The following ADGRG3 variants were observed in gnomAD, a reference collection of about 807,000 sequenced individuals.
ADGRG3 encodes the protein G protein-coupled receptor 97.
In ADGRG3, 39 loss-of-function variants were observed where a neutral mutation model predicts 54.3. That is an observed-to-expected ratio of 0.72 (90% CI 0.56 to 0.94). The LOEUF (loss-of-function observed/expected upper bound fraction) is 0.94. ADGRG3 is among the 40% of genes least tolerant of loss of function. The probability of loss-of-function intolerance (pLI) is 0.00; values close to 1 mark genes in which losing one functional copy is unlikely to be tolerated. For missense variants in ADGRG3, 654 were observed against 694.6 expected (o/e 0.94, Z 0.66); for synonymous variants, 312 against 290.0 (o/e 1.08, Z -0.77).
chr16:57,672,287 C>T (rs1359833514), intron 1 of ADGRG3, among the ~76,000 whole-genome samples: 5 of 151,320 alleles, frequency 3.3e-5, no homozygotes, highest in Non-Finnish European at 7.4e-5. Context: ...GCAATTTGGG[C>T]AGCTGAGGCA....
At chr16:57,673,957 G>A (rs2048211761) in intron 2 of ADGRG3, among the ~76,000 whole-genome samples, 1 of 152,194 alleles carries the variant, frequency 6.6e-6, no homozygotes, top group Non-Finnish European at 1.5e-5. Flanking sequence ...ACCGCGTGGG[G>A]ATGGAAGAGA....
rs1253180086 is a variant in ADGRG3 at position 57,685,983 on chromosome 16, G to A, written c.1540+57G>A. 3.9e-6 allele frequency: 6 copies of A among 1,557,344 alleles called. No homozygotes were observed. In the Admixed American group the frequency reaches 8.5e-5, roughly 22 times the overall value. Reference sequence around the variant, plus strand: ...TGTGTTGTCTGTCCCAGGAGGTATTGGGAGGTGGGGAAGAGGGTGGTTTGC... The same window carrying A: ...TGTGTTGTCTGTCCCAGGAGGTATTAGGAGGTGGGGAAGAGGGTGGTTTGC... On this transcript the variant is annotated intron_variant, in intron 11 of 11. Coordinates refer to ENST00000333493, the MANE Select transcript of ADGRG3 (RefSeq NM_170776.5).
intron 4 of ADGRG3, 33 bp downstream of exon 4, chr16:57,678,349 C>T: frequency 1.2e-6 from 2 of 1,609,522 alleles, no homozygotes; most frequent in East Asian, 2.2e-5. Context: ...AGGTTAAGTG[C>T]TAGGTCCTCT....
At chr16:57,680,000 T>TCCCTTCCCCTCCCCTCCCCC in intron 6 of ADGRG3, 145 bp downstream of exon 6, 1 of 322,678 alleles carries the variant, frequency 3.1e-6, no homozygotes, top group Non-Finnish European at 6.0e-6. Flanking sequence ...CTGCATCCCC[T>TCCCTTCCCCTCCCCTCCCCC]CCCTTCCCCT....
At chr16:57,669,318 T>C (rs1567849761) in intron 1 of ADGRG3, among the ~76,000 whole-genome samples, 1 of 152,226 alleles carries the variant, frequency 6.6e-6, no homozygotes, top group African/African-American at 2.4e-5. Context: ...TTTTCAAACA[T>C]TGGAAGATTC....
chr16:57,687,313 C>T (rs761109369), intron 11 of ADGRG3, among the ~76,000 whole-genome samples: 2 of 151,994 alleles, frequency 1.3e-5, no homozygotes, highest in Non-Finnish European at 2.9e-5. Flanking sequence ...TGCAGTGGCA[C>T]GATCTCAGCT....
rs2048198499 is a variant in ADGRG3 at position 57,673,428 on chromosome 16, C to T, written c.166C>T (p.Gln56Ter). ...GGCTTTGTGCTTCACCAAGTGCAGG[C>T]AGTCGGGCAGCGACTCCTGCAATGT... ...DKALCFTKCR[Q>*]SGSDSCNVEN... Residue 56 changes from glutamine (Q) to a stop codon, truncating the protein, a stop_gained, in exon 2 of 12, where the codon CAG (glutamine) becomes TAG (stop). Coordinates refer to ENST00000333493, the MANE Select transcript of ADGRG3 (RefSeq NM_170776.5). LOFTEE classifies it high-confidence loss of function. 6.2e-7 allele frequency: 1 copy of T among 1,611,744 alleles called. No individual in the cohort carries two copies. The highest frequency in any genetic ancestry group is 1.7e-5 in the Admixed American group (1 of 59,964).
intron 1 of ADGRG3, 115 bp downstream of exon 1, chr16:57,668,520 G>A (rs1159636715): frequency 5.0e-6 from 5 of 990,464 alleles, no homozygotes; most frequent in Non-Finnish European, 7.6e-6. Context: ...GGGGTGTCTG[G>A]GATGTGTCCT....
At position 57,680,355 on chromosome 16, in the gene ADGRG3, C is replaced by T. The variant is rs2048345250; in HGVS notation, c.758C>T (p.Ala253Val). The T allele has an allele frequency of 6.2e-7, 1 of 1,612,718 alleles. No individual in the cohort carries two copies. Among genetic ancestry groups the T allele is most frequent in the African/African-American group, 1.3e-5 (1 of 74,730 alleles). Residue 253 changes from alanine (A) to valine (V), a missense_variant, in exon 7 of 12, where the codon GCC becomes GTC. By Grantham distance (64) the Ala-to-Val change is moderately conservative. Coordinates refer to ENST00000333493, the MANE Select transcript of ADGRG3 (RefSeq NM_170776.5). ...VCCCDHLTFF[A>V]LLLRPTLDQS... ...TGCTGTGACCACCTGACCTTTTTCG[C>T]CCTGCTCCTGGTAACAGCCCCCTCC...
chr16:57,684,809 C>A lies in ADGRG3; in HGVS notation c.1256+326C>A, dbSNP rs148154372. Among the ~76,000 whole-genome samples, 738 of 152,272 alleles carry A rather than the reference C, an allele frequency of 4.8e-3. 8 individuals carry two copies. The highest frequency in any genetic ancestry group is 0.017 in the African/African-American group (712 of 41,556). On this transcript the variant is annotated intron_variant, in intron 10 of 11. Coordinates refer to ENST00000333493, the MANE Select transcript of ADGRG3 (RefSeq NM_170776.5). ...TAAAGAAGGTCACCCCGTCCGCATG[C>A]GGGGTGCGCAGCCTGGAGAGTGGAG...
At chr16:57,679,122 G>A (rs2048316582) in intron 4 of ADGRG3, 55 bp from the exon 5 acceptor site, 1 of 1,604,530 alleles carries the variant, frequency 6.2e-7, no homozygotes, top group African/African-American at 1.3e-5. Context: ...CCCAGCGTTG[G>A]TGGGTTGGGA....
chr16:57,678,551 C>T, intron 4 of ADGRG3: 1 of 564,030 alleles, frequency 1.8e-6, no homozygotes, highest in Non-Finnish European at 3.2e-6. Flanking sequence ...ACATGAGTGC[C>T]CTTTGGCTTG....
At chr16:57,673,084 T>C (rs1435435173) in intron 1 of ADGRG3, among the ~76,000 whole-genome samples, 1 of 152,212 alleles carries the variant, frequency 6.6e-6, no homozygotes, top group East Asian at 1.9e-4. Flanking sequence ...CCAAGCCTTT[T>C]GTACATGCTT....
intron 8 of ADGRG3, chr16:57,682,409 C>A: frequency 1.2e-6 from 1 of 851,578 alleles, no homozygotes; most frequent in Non-Finnish European, 1.4e-6. Context: ...TAGGCTGCAG[C>A]CCCAACTAGG....
chr16:57,678,565 A>G lies in ADGRG3; in HGVS notation c.492+249A>G, dbSNP rs540748704. 66 of 550,234 alleles carry G rather than the reference A, an allele frequency of 1.2e-4. No homozygotes were observed. In the East Asian group the frequency reaches 1.9e-3, roughly 16 times the overall value. The allele number at this position is 550,234 out of a possible 1,614,324, so 34.1% of individuals were successfully genotyped here. On this transcript the variant is annotated intron_variant, in intron 4 of 11. Transcript: ENST00000333493. ...CACATGAGTGCCCTTTGGCTTGTCT[A>G]TGTGTCCTGTGGGTGCTCGTGTGCT... is the stretch of plus-strand genomic sequence containing the variant.
chr16:57,680,267 AC>A lies in ADGRG3; in HGVS notation c.672del (p.Thr225LeufsTer25), dbSNP rs1467016481. 6.5e-7 allele frequency: 1 copy of A among 1,541,032 alleles called. No individual in the cohort carries two copies. The highest frequency in any genetic ancestry group is 8.8e-7 in the Non-Finnish European group (1 of 1,139,480). On this transcript the variant is annotated frameshift_variant, in exon 7 of 12. Transcript: ENST00000333493. LOFTEE classifies it high-confidence loss of function. ...TGTTCCCCTGGCCTCCTCTCCAGGG[AC>A]CACTGGAGACTGGTCTTCTGAGGGC... ...TCVFWDVTKG[T>X]TGDWSSEGCS...
At chr16:57,676,149 G>GT in intron 2 of ADGRG3, 51 bp from the exon 3 acceptor site, 1 of 1,573,176 alleles carries the variant, frequency 6.4e-7, no homozygotes, top group Non-Finnish European at 8.7e-7. Context: ...TGATGAGTGA[G>GT]TAACTCAGCC....
At chr16:57,678,375 C>A in intron 4 of ADGRG3, 59 bp downstream of exon 4, 1 of 1,553,950 alleles carries the variant, frequency 6.4e-7, no homozygotes, top group Non-Finnish European at 8.9e-7. Context: ...CTCCATGCCA[C>A]AGTTTGCTGT....
At position 57,679,186 on chromosome 16, in the gene ADGRG3, C is replaced by A. The variant is rs930468525; in HGVS notation, c.502C>A (p.Leu168Ile). ...GPGTLFKGPR[L>I]GLGDGSGVLN... ...ATCTCCCCTTTCACAGGGCCCCCGG[C>A]TCGGCCTGGGAGATGGCAGCGGCGT... Residue 168 changes from leucine to isoleucine, a missense_variant, in exon 5 of 12, where the codon CTC becomes ATC. Coordinates refer to ENST00000333493, the MANE Select transcript of ADGRG3 (RefSeq NM_170776.5). 1.6e-5 allele frequency: 26 copies of A among 1,613,872 alleles called. No homozygotes were observed. Among genetic ancestry groups the A allele is most frequent in the Non-Finnish European group, 2.2e-5 (26 of 1,179,906 alleles).
Sources: gnomAD v4.1 joint callset for allele counts (sites outside exome capture counted in the v4.1 genomes callset) on GRCh38, gnomAD v4.1.1 for gene constraint, MANE v1.5 for transcripts, NCBI Gene and HGNC (gene_info 2026-07-23, HGNC 2026-07-21) for gene names.